COL23A1: variants seen among roughly 807,000 people sequenced by gnomAD.
COL23A1 encodes the protein collagen alpha-1(XXIII) chain.
COL23A1 carries 97 observed loss-of-function variants against 99.3 expected under a neutral mutation model. The observed-to-expected ratio is 0.98, with a 90% CI of 0.83 to 1.16. COL23A1 has a LOEUF of 1.16. Ranked by LOEUF, COL23A1 falls within the 50% of genes most tolerant of loss-of-function variation. COL23A1 has a pLI of 0.00. For missense variants in COL23A1, 762 were observed against 757.4 expected, an observed-to-expected ratio of 1.01 and a Z score of -0.07; for synonymous variants, 320 against 308.2, an observed-to-expected ratio of 1.04 and a Z score of -0.40.
At chr5:178,499,419 C>T (rs1239005561) in intron 2 of COL23A1, among the ~76,000 whole-genome samples, 5 of 152,226 alleles carry the variant, frequency 3.3e-5, no homozygotes, top group African/African-American at 1.2e-4. Flanking sequence ...CCTTGATACA[C>T]TGTGATGAGG....
At chr5:178,305,605 G>A (rs762677059) in intron 3 of COL23A1, among the ~76,000 whole-genome samples, 7 of 152,224 alleles carry the variant, frequency 4.6e-5, no homozygotes, top group Non-Finnish European at 1.0e-4. Flanking sequence ...AGATGCTTGA[G>A]CTAGGCTTGA....
At chr5:178,321,860 G>A (rs968569100) in intron 2 of COL23A1, among the ~76,000 whole-genome samples, 8 of 151,754 alleles carry the variant, frequency 5.3e-5, no homozygotes, top group Non-Finnish European at 1.0e-4. Context: ...TGTCACCCAG[G>A]CCGGAGTACA....
At chr5:178,503,688 G>A (rs1232734869) in intron 2 of COL23A1, among the ~76,000 whole-genome samples, 1 of 152,160 alleles carries the variant, frequency 6.6e-6, no homozygotes, top group Non-Finnish European at 1.5e-5. Context: ...ATAATTTTAA[G>A]AATGGGGTAA....
chr5:178,289,040 T>G (rs144644597), intron 4 of COL23A1, among the ~76,000 whole-genome samples: 4 of 152,152 alleles, frequency 2.6e-5, no homozygotes, highest in Admixed American at 2.6e-4. Flanking sequence ...TCACACACGC[T>G]AGCCTCCCTG....
chr5:178,350,155 A>G (rs976296130), intron 2 of COL23A1, among the ~76,000 whole-genome samples: 5 of 152,190 alleles, frequency 3.3e-5, no homozygotes, highest in African/African-American at 1.2e-4. Flanking sequence ...CCACGCAGTC[A>G]GCTTCTACTC....
intron 2 of COL23A1, among the ~76,000 whole-genome samples, chr5:178,546,715 G>A (rs1447280251): frequency 1.3e-5 from 2 of 152,220 alleles, no homozygotes; most frequent in Non-Finnish European, 2.9e-5. Context: ...GCCACAGCCA[G>A]TCCTATTTGT....
chr5:178,311,953 ACTCCTGACCTCAGGTGATCCACCTGC>A (rs1279045027), intron 2 of COL23A1, among the ~76,000 whole-genome samples: 3 of 151,150 alleles, frequency 2.0e-5, no homozygotes, highest in African/African-American at 7.3e-5. Flanking sequence ...CTGGTCTCGA[ACTCCTGACCTCAGGTGATCCACCTGC>A]CTCGGCCTCC....
chr5:178,514,535 T>G (rs1759396866), intron 2 of COL23A1, among the ~76,000 whole-genome samples: 1 of 152,248 alleles, frequency 6.6e-6, no homozygotes, highest in Non-Finnish European at 1.5e-5. Context: ...CCCAGCAATC[T>G]GAATCCACAA....
At chr5:178,394,508 A>C (rs962255698) in intron 2 of COL23A1, among the ~76,000 whole-genome samples, 1 of 152,216 alleles carries the variant, frequency 6.6e-6, no homozygotes, top group Admixed American at 6.5e-5. Context: ...GCTCCAAGAA[A>C]TTAACTCATT....
In COL23A1 at chr5:178,413,159, C is replaced by T. The variant is rs1016858838; in HGVS notation, c.362-106240G>A. Among the ~76,000 whole-genome samples the T allele has an allele frequency of 9.9e-5, 15 of 151,672 alleles. No individual in the cohort carries two copies. In the East Asian group the frequency reaches 1.2e-3, roughly 12 times the overall value. ...GACTGTCATAGCATTCCAGCCTGGACACAGAGCAAGACCCATCTCAACAAC... is the reference window on the plus strand; with the variant it reads ...GACTGTCATAGCATTCCAGCCTGGATACAGAGCAAGACCCATCTCAACAAC... On this transcript the variant is annotated intron_variant, in intron 2 of 28. Transcript: ENST00000390654.
intron 2 of COL23A1, among the ~76,000 whole-genome samples, chr5:178,512,466 G>A (rs1759262380): frequency 6.6e-6 from 1 of 152,188 alleles, no homozygotes. Context: ...GTGCAGATGT[G>A]AGTTAACATC....
intron 2 of COL23A1, among the ~76,000 whole-genome samples, chr5:178,399,637 T>A (rs1347270436): frequency 6.6e-6 from 1 of 152,086 alleles, no homozygotes; most frequent in Non-Finnish European, 1.5e-5. Context: ...TTTAAAACAA[T>A]CCTACTCAAG....
At chr5:178,448,925 A>T (rs993838661) in intron 2 of COL23A1, among the ~76,000 whole-genome samples, 14 of 150,146 alleles carry the variant, frequency 9.3e-5, no homozygotes, top group South Asian at 2.1e-4. Context: ...TTTTTTTTTT[A>T]AATAAACCAT....
chr5:178,238,904 T>A (rs771824081), intron 28 of COL23A1, among the ~76,000 whole-genome samples: 1 of 152,120 alleles, frequency 6.6e-6, no homozygotes, highest in Non-Finnish European at 1.5e-5. Context: ...GTTGAGTCCA[T>A]GTGACCCACA....
rs181997253 is a variant in COL23A1 at position 178,431,077 on chromosome 5, G to A, written c.362-124158C>T. Reference sequence around the variant, plus strand: ...GACCAGAGCCCCAGGCAGTAAGTGCGGTGTGAGCAAAGACATAGAGGGAGC... The same window carrying A: ...GACCAGAGCCCCAGGCAGTAAGTGCAGTGTGAGCAAAGACATAGAGGGAGC... On this transcript the variant is annotated intron_variant, in intron 2 of 28. Coordinates refer to ENST00000390654, the MANE Select transcript of COL23A1 (RefSeq NM_173465.4). Among the ~76,000 whole-genome samples the A allele has an allele frequency of 8.5e-5, 13 of 152,246 alleles. No homozygotes were observed. The East Asian group carries it at 1.9e-3, about 23-fold the overall frequency.
intron 2 of COL23A1, among the ~76,000 whole-genome samples, chr5:178,520,670 A>AAACCTAAGG (rs1400963785): frequency 6.6e-6 from 1 of 152,172 alleles, no homozygotes; most frequent in Non-Finnish European, 1.5e-5. Flanking sequence ...ACCTTGAGCA[A>AAACCTAAGG]ATCCCTTCTC....
intron 2 of COL23A1, among the ~76,000 whole-genome samples, chr5:178,370,695 T>C (rs1057242072): frequency 6.6e-6 from 1 of 152,180 alleles, no homozygotes; most frequent in Non-Finnish European, 1.5e-5. Context: ...CCTATCTCTC[T>C]TGAAAAATAA....
At chr5:178,581,157 A>G (rs1763640461) in intron 1 of COL23A1, among the ~76,000 whole-genome samples, 1 of 152,246 alleles carries the variant, frequency 6.6e-6, no homozygotes, top group East Asian at 1.9e-4. Flanking sequence ...CAACTAAAAG[A>G]TATATTGAAT....
chr5:178,546,764 C>T (rs1457631654), intron 2 of COL23A1, among the ~76,000 whole-genome samples: 6 of 152,186 alleles, frequency 3.9e-5, no homozygotes, highest in Middle Eastern at 3.2e-3. Context: ...CCGTGACACC[C>T]GCTTCCATCA....
Sources: allele counts gnomAD v4.1 joint callset (sites outside exome capture counted in the v4.1 genomes callset), GRCh38; gene constraint gnomAD v4.1.1; transcripts MANE v1.5; gene names NCBI Gene and HGNC (gene_info 2026-07-23, HGNC 2026-07-21).